The following XPO7 variants were observed in gnomAD, a reference collection of about 807,000 sequenced individuals.
XPO7 encodes exportin 7.
Under a neutral mutation model 144.3 loss-of-function variants are expected in XPO7, and 21 were observed. That is an observed-to-expected ratio of 0.15 (90% CI 0.10 to 0.21). XPO7 has a LOEUF of 0.21. Among genes scored for constraint, XPO7 ranks in the 10% least tolerant of loss-of-function variants. The pLI, the probability that XPO7 is intolerant of heterozygous loss-of-function variation, is 1.00. For synonymous variants in XPO7, 580 were observed against 499.6 expected (o/e 1.16, Z -2.15); for missense variants, 808 against 1,325.8 (o/e 0.61, Z 6.06).
intron 27 of XPO7, among the ~76,000 whole-genome samples, chr8:22,004,466 A>G (rs1312510071): frequency 6.6e-6 from 1 of 152,190 alleles, no homozygotes; most frequent in African/African-American, 2.4e-5. Context: ...TGCATTGAGT[A>G]TCTGGGCTTT....
chr8:21,972,387 G>A lies in XPO7; in HGVS notation c.492+446G>A, dbSNP rs1380107943. Among the ~76,000 whole-genome samples, 8 of 152,164 alleles carry A rather than the reference G, an allele frequency of 5.3e-5. No individual in the cohort carries two copies. The South Asian group carries it at 1.7e-3, about 32-fold the overall frequency. On this transcript the variant is annotated intron_variant, in intron 5 of 27. Coordinates refer to ENST00000252512, the MANE Select transcript of XPO7 (RefSeq NM_015024.5). ...CCAGCGACTTGGGAGACAGGCAGGA[G>A]AATCGCTTGAACCCGGGAGGTGGAG...
chr8:21,997,457 A>G (rs1812989341), intron 21 of XPO7, among the ~76,000 whole-genome samples: 1 of 152,224 alleles, frequency 6.6e-6, no homozygotes, highest in Non-Finnish European at 1.5e-5. Flanking sequence ...AAATGACAAG[A>G]AAGATTCTGG....
chr8:21,977,439 C>G (rs544891040), intron 7 of XPO7, among the ~76,000 whole-genome samples: 133 of 152,242 alleles, frequency 8.7e-4, no homozygotes, highest in Middle Eastern at 6.8e-3. Flanking sequence ...ATTAGCTGGG[C>G]ATGGTGGCAC....
intron 1 of XPO7, among the ~76,000 whole-genome samples, chr8:21,958,496 A>C (rs1388702963): frequency 6.6e-6 from 1 of 152,214 alleles, no homozygotes; most frequent in Non-Finnish European, 1.5e-5. Context: ...ACCATAAGTT[A>C]CATCACAGCC....
intron 24 of XPO7, among the ~76,000 whole-genome samples, chr8:22,001,641 T>C (rs1178508729): frequency 6.6e-6 from 1 of 152,238 alleles, no homozygotes; most frequent in Non-Finnish European, 1.5e-5. Flanking sequence ...ACCCCAGGCT[T>C]CTTGGATTCT....
chr8:21,977,958 T>A, intron 8 of XPO7, 115 bp downstream of exon 8: 1 of 820,882 alleles, frequency 1.2e-6, no homozygotes, highest in Non-Finnish European at 1.9e-6. Flanking sequence ...ATAGAAATAC[T>A]AGGCTAGTTA....
In XPO7 at chr8:21,970,006, A is replaced by G. The variant is rs1012868189; in HGVS notation, c.260-138A>G. 8.5e-5 allele frequency: 84 copies of G among 985,188 alleles called. No individual in the cohort carries two copies. The African/African-American group carries it at 1.1e-3, about 13-fold the overall frequency. The allele number at this position is 985,188 out of a possible 1,614,324, so 61.0% of individuals were successfully genotyped here. On this transcript the variant is annotated intron_variant, in intron 3 of 27. Coordinates refer to ENST00000252512, the MANE Select transcript of XPO7 (RefSeq NM_015024.5). ...AAAGTCCCATTTGGAACAGTAGCAT[A>G]AATAATTAAGACAGTTTGGGTTAAA...
chr8:21,981,664 T>G (rs1812415610), intron 9 of XPO7, 67 bp from the exon 10 acceptor site: 3 of 1,573,544 alleles, frequency 1.9e-6, no homozygotes, highest in Non-Finnish European at 2.6e-6. Context: ...CCATCTCAAG[T>G]ATACATCATT....
chr8:21,934,842 C>T lies in XPO7; in HGVS notation c.18+15054C>T, dbSNP rs117913396. ...GCTAATTCCATAAATTAGGAAAAAG[C>T]ATGGAGTGAAGCCTTGTGTAAACAT... On this transcript the variant is annotated intron_variant, in intron 1 of 27. Transcript: ENST00000252512. 2.9e-4 allele frequency among the ~76,000 whole-genome samples: 44 copies of T among 152,296 alleles called. No homozygotes were observed. In the East Asian group the frequency reaches 8.5e-3, roughly 29 times the overall value.
intron 1 of XPO7, among the ~76,000 whole-genome samples, chr8:21,924,424 T>G (rs930385875): frequency 6.6e-6 from 1 of 151,930 alleles, no homozygotes; most frequent in African/African-American, 2.4e-5. Context: ...TGATACCATC[T>G]CAACAGCTAC....
At position 21,984,834 on chromosome 8, in the gene XPO7, A is replaced by G; in HGVS notation, c.1466A>G (p.Gln489Arg). Residue 489 changes from glutamine to arginine, a missense_variant, in exon 12 of 28, where the codon CAG becomes CGG. Around this residue, in one of 5 missense-constraint regions of XPO7, gnomAD observed 416 missense variants for 612.5 expected, o/e 0.68. Coordinates refer to ENST00000252512, the MANE Select transcript of XPO7 (RefSeq NM_015024.5). Reference protein sequence around the residue: ...ASASPMDIAVQEGRLTWLVYI... With the variant: ...ASASPMDIAVREGRLTWLVYI... ...GCAAGCCCAATGGACATTGCAGTGC[A>G]GGAGGGTGAGTGTGCAGCGTGCTGG... is the stretch of plus-strand genomic sequence containing the variant. 1 of 1,613,720 alleles carries G rather than the reference A, an allele frequency of 6.2e-7. No homozygotes were observed. Among genetic ancestry groups the G allele is most frequent in the South Asian group, 1.1e-5 (1 of 91,080 alleles).
At chr8:21,959,227 C>T (rs1211482914) in intron 1 of XPO7, among the ~76,000 whole-genome samples, 2 of 152,094 alleles carry the variant, frequency 1.3e-5, no homozygotes, top group Non-Finnish European at 2.9e-5. Flanking sequence ...TTTATAATCC[C>T]CTTAGAAGAA....
chr8:21,989,812 A>G, intron 16 of XPO7, among the ~76,000 whole-genome samples: 1 of 71,996 alleles, frequency 1.4e-5, no homozygotes, highest in Non-Finnish European at 3.1e-5. Flanking sequence ...AGTTTGGTAT[A>G]GGTGTTTCCT....
intron 2 of XPO7, among the ~76,000 whole-genome samples, chr8:21,967,668 A>G (rs1243715812): frequency 1.3e-5 from 2 of 152,134 alleles, no homozygotes; most frequent in African/African-American, 4.8e-5. Flanking sequence ...TCCTAGTACA[A>G]GATCCTCAGT....
chr8:21,926,100 A>C (rs1230278784), intron 1 of XPO7, among the ~76,000 whole-genome samples: 2 of 152,196 alleles, frequency 1.3e-5, no homozygotes, highest in East Asian at 3.8e-4. Flanking sequence ...AATGATTCTC[A>C]CTTAAAAGCC....
intron 1 of XPO7, among the ~76,000 whole-genome samples, chr8:21,934,924 A>C (rs952588607): frequency 5.3e-5 from 8 of 152,264 alleles, no homozygotes; most frequent in African/African-American, 1.9e-4. Flanking sequence ...AATAGCAAAA[A>C]AGTGAAAGTA....
At chr8:21,924,779 C>T (rs1810405859) in intron 1 of XPO7, among the ~76,000 whole-genome samples, 1 of 152,180 alleles carries the variant, frequency 6.6e-6, no homozygotes, top group South Asian at 2.1e-4. Flanking sequence ...ACAAGTATTT[C>T]TCTTTTGACT....
At chr8:21,973,082 A>T (rs1680508203) in intron 5 of XPO7, among the ~76,000 whole-genome samples, 1 of 152,266 alleles carries the variant, frequency 6.6e-6, no homozygotes, top group South Asian at 2.1e-4. Context: ...ACTGAGGCCC[A>T]TAAAGATGAA....
chr8:21,954,397 A>T (rs1198257169), intron 1 of XPO7, among the ~76,000 whole-genome samples: 2 of 152,220 alleles, frequency 1.3e-5, no homozygotes, highest in Non-Finnish European at 2.9e-5. Flanking sequence ...GCACATTGGG[A>T]AGCCAAGACA....
Sources: allele counts gnomAD v4.1 joint callset (sites outside exome capture counted in the v4.1 genomes callset), GRCh38; gene constraint gnomAD v4.1.1; regional missense constraint gnomAD v4.1.1; transcripts MANE v1.5; gene names NCBI Gene and HGNC (gene_info 2026-07-23, HGNC 2026-07-21).